VEGFD: variants seen among roughly 807,000 people sequenced by gnomAD.
The protein encoded by VEGFD is vascular endothelial growth factor D.
VEGFD carries 26 observed loss-of-function variants against 28.0 expected under a neutral mutation model. The ratio of observed to expected loss-of-function variants is 0.93; its 90% confidence interval spans 0.68 to 1.29. The LOEUF (loss-of-function observed/expected upper bound fraction) is 1.29. VEGFD is among the 50% of genes most tolerant of loss of function. VEGFD has a pLI of 0.00. For missense variants in VEGFD, 294 were observed against 273.4 expected, an observed-to-expected ratio of 1.08 and a Z score of -0.53; for synonymous variants, 93 against 95.5, an observed-to-expected ratio of 0.97 and a Z score of 0.15.
intron 4 of VEGFD, 25 bp downstream of exon 4, chrX:15,355,125 T>TAAA: frequency 9.8e-6 from 9 of 914,953 alleles, no homozygotes; most frequent in South Asian, 8.1e-5. Context: ...TAATCCAGTA[T>TAAA]AAAAAAAAAA....
chrX:15,357,966 G>A, intron 3 of VEGFD, 37 bp downstream of exon 3: 2 of 1,155,867 alleles, frequency 1.7e-6, no homozygotes, highest in Non-Finnish European at 2.3e-6. Context: ...TTATCATCAG[G>A]GCTTTAGAGA....
intron 1 of VEGFD, among the ~76,000 whole-genome samples, chrX:15,382,144 C>A (rs1266956106): frequency 9.0e-6 from 1 of 110,591 alleles, no homozygotes; most frequent in Non-Finnish European, 1.9e-5. Context: ...CACAGTGAAA[C>A]CCTGTCTCTA....
chrX:15,380,988 A>G (rs1229211477), intron 1 of VEGFD, among the ~76,000 whole-genome samples: 1 of 112,692 alleles, frequency 8.9e-6, no homozygotes, highest in Non-Finnish European at 1.9e-5. Flanking sequence ...AACGATGCAT[A>G]GGTACTGGGT....
chrX:15,354,685 C>T (rs1285406740), intron 4 of VEGFD, among the ~76,000 whole-genome samples: 1 of 111,428 alleles, frequency 9.0e-6, no homozygotes, highest in African/African-American at 3.3e-5. Flanking sequence ...ATTTGGTAAT[C>T]TTAAGGGGGA....
At chrX:15,372,787 T>G (rs1401322064) in intron 1 of VEGFD, among the ~76,000 whole-genome samples, 2 of 112,251 alleles carry the variant, frequency 1.8e-5, no homozygotes, top group Non-Finnish European at 3.8e-5. Flanking sequence ...AGAAATAGTC[T>G]TAGTCTTTAA....
At position 15,347,237 on chromosome X, in the gene VEGFD, T is replaced by C. The variant is rs772183457; in HGVS notation, c.865A>G (p.Ser289Gly). Reference protein sequence around the residue: ...KDLIQHPKNCSCFECKESLET... With the variant: ...KDLIQHPKNCGCFECKESLET... Reference sequence around the variant, plus strand: ...AGACTTTCTTTGCACTCAAAGCAACTGCAGTTTTTGGGGTGCTGGATTAGA... The same window carrying C: ...AGACTTTCTTTGCACTCAAAGCAACCGCAGTTTTTGGGGTGCTGGATTAGA... The change falls in exon 6 of 7, where the codon AGT becomes GGT. Residue 289 changes from serine to glycine, a missense_variant. Ser to Gly is a moderately conservative substitution (Grantham distance 56, BLOSUM62 0). Transcript: ENST00000297904. The C allele has an allele frequency of 8.3e-7, 1 of 1,211,912 alleles. No homozygotes were observed. The highest frequency in any genetic ancestry group is 2.3e-4 in the Middle Eastern group (1 of 4,356).
intron 1 of VEGFD, among the ~76,000 whole-genome samples, chrX:15,371,085 A>G (rs776032170): frequency 2.7e-5 from 3 of 111,680 alleles, no homozygotes; most frequent in Non-Finnish European, 3.8e-5. Context: ...ATACCAGGAA[A>G]TGAGTTTGAC....
intron 1 of VEGFD, among the ~76,000 whole-genome samples, chrX:15,367,705 C>T (rs1176350262): frequency 9.0e-6 from 1 of 110,514 alleles, no homozygotes; most frequent in Non-Finnish European, 1.9e-5. Flanking sequence ...CTTGTAATCC[C>T]AGCACTTTGG....
At chrX:15,362,419 AG>A (rs1359948172) in intron 2 of VEGFD, among the ~76,000 whole-genome samples, 17 of 108,344 alleles carry the variant, frequency 1.6e-4, no homozygotes, top group Admixed American at 8.9e-4. Flanking sequence ...TGGTTCGGGG[AG>A]GGGGTGGTTT....
At chrX:15,357,219 T>C (rs1922890370) in intron 3 of VEGFD, among the ~76,000 whole-genome samples, 1 of 112,119 alleles carries the variant, frequency 8.9e-6, no homozygotes, top group African/African-American at 3.2e-5. Flanking sequence ...GGCTGAATTA[T>C]TTCTTTCATG....
At chrX:15,361,279 A>G (rs1923006413) in intron 2 of VEGFD, among the ~76,000 whole-genome samples, 2 of 112,282 alleles carry the variant, frequency 1.8e-5, no homozygotes, top group Non-Finnish European at 3.8e-5. Flanking sequence ...TCAGTCAGGT[A>G]ATCTGGTTAA....
rs550609242 is a variant in VEGFD, at chrX:15,372,167, A to T, written c.91-8848T>A. Among the ~76,000 whole-genome samples the T allele has an allele frequency of 2.6e-4, 29 of 112,206 alleles. No individual in the cohort carries two copies. In the South Asian group the frequency reaches 0.011, roughly 41 times the overall value. Reference sequence around the variant, plus strand: ...GCTTAAGATATTTGTAAATAGAATCAAGAGCAAAACTGCAGAAACTTGCAC... The same window carrying T: ...GCTTAAGATATTTGTAAATAGAATCTAGAGCAAAACTGCAGAAACTTGCAC... On this transcript the variant is annotated intron_variant, in intron 1 of 6. Coordinates refer to ENST00000297904, the MANE Select transcript of VEGFD (RefSeq NM_004469.5).
At chrX:15,363,448 AGTGCCTAGG>A in intron 1 of VEGFD, 129 bp from the exon 2 acceptor site, 2 of 528,705 alleles carry the variant, frequency 3.8e-6, no homozygotes, top group Admixed American at 7.7e-5. Context: ...AACGTATGCC[AGTGCCTAGG>A]AAAAAGGATA....
At chrX:15,367,339 T>A (rs183185585) in intron 1 of VEGFD, among the ~76,000 whole-genome samples, 126 of 112,068 alleles carry the variant, frequency 1.1e-3, no homozygotes, top group Non-Finnish European at 2.1e-3. Flanking sequence ...GGATCATAGA[T>A]CGGGTTTGTG....
intron 3 of VEGFD, among the ~76,000 whole-genome samples, chrX:15,356,983 A>T (rs1922883383): frequency 8.9e-6 from 1 of 112,281 alleles, no homozygotes; most frequent in African/African-American, 3.2e-5. Context: ...TTTTGCAGTT[A>T]AAAGGAGAAT....
At chrX:15,372,396 T>C (rs1923331958) in intron 1 of VEGFD, among the ~76,000 whole-genome samples, 1 of 110,919 alleles carries the variant, frequency 9.0e-6, no homozygotes, top group Non-Finnish European at 1.9e-5. Flanking sequence ...ACAATACATG[T>C]ATAACTTGTA....
intron 1 of VEGFD, among the ~76,000 whole-genome samples, chrX:15,380,138 T>G (rs1396995150): frequency 1.8e-5 from 2 of 112,548 alleles, no homozygotes; most frequent in Non-Finnish European, 1.9e-5. Context: ...TGCCAAGGAC[T>G]GTGTCTGACA....
At chrX:15,382,059 G>A (rs967521014) in intron 1 of VEGFD, among the ~76,000 whole-genome samples, 6 of 111,649 alleles carry the variant, frequency 5.4e-5, no homozygotes, top group East Asian at 2.8e-4. Flanking sequence ...GGTGGCTCAC[G>A]CCTGTAATCC....
intron 1 of VEGFD, among the ~76,000 whole-genome samples, chrX:15,364,728 G>A (rs1923105073): frequency 8.9e-6 from 1 of 111,890 alleles, no homozygotes; most frequent in African/African-American, 3.3e-5. Flanking sequence ...TGAGAGAGGA[G>A]GGTGGAAGGG....
Sources: allele counts gnomAD v4.1 joint callset (sites outside exome capture counted in the v4.1 genomes callset), GRCh38; gene constraint gnomAD v4.1.1; transcripts MANE v1.5; gene names NCBI Gene and HGNC (gene_info 2026-07-23, HGNC 2026-07-21).